PTPRD: variants seen among roughly 807,000 people sequenced by gnomAD.
PTPRD encodes protein tyrosine phosphatase receptor type D.
PTPRD carries 34 observed loss-of-function variants against 214.5 expected under a neutral mutation model. The observed-to-expected ratio is 0.16, with a 90% confidence interval of 0.12 to 0.21. The LOEUF (loss-of-function observed/expected upper bound fraction) is 0.21, where lower values mean the gene tolerates loss of function less well. Among genes scored for constraint, PTPRD ranks in the 10% least tolerant of loss-of-function variants. The pLI is 1.00. For missense variants in PTPRD, 2,545 were observed against 2,398.7 expected (o/e 1.06, Z -1.27); for synonymous variants, 1,128 against 845.7 (o/e 1.33, Z -5.79).
At chr9:10,301,008 C>T (rs995806782) in intron 3 of PTPRD, among the ~76,000 whole-genome samples, 13 of 152,088 alleles carry the variant, frequency 8.5e-5, no homozygotes, top group Admixed American at 5.2e-4. Flanking sequence ...ACACCTCATA[C>T]AGGAAAGCTC....
At chr9:9,736,481 A>G (rs955276316) in intron 6 of PTPRD, among the ~76,000 whole-genome samples, 1 of 152,062 alleles carries the variant, frequency 6.6e-6, no homozygotes, top group Non-Finnish European at 1.5e-5. Context: ...ATTAAGAATT[A>G]CCCTACCATA....
At chr9:10,509,051 A>C (rs2047055772) in intron 2 of PTPRD, among the ~76,000 whole-genome samples, 3 of 152,090 alleles carry the variant, frequency 2.0e-5, no homozygotes, top group Non-Finnish European at 4.4e-5. Context: ...ACCTGCTATG[A>C]TTCTCCACTG....
At chr9:8,545,222 A>C (rs372674871) in intron 14 of PTPRD, among the ~76,000 whole-genome samples, 86 of 152,280 alleles carry the variant, frequency 5.6e-4, no homozygotes, top group Non-Finnish European at 9.6e-4. Flanking sequence ...AACATCATGG[A>C]TATTATTCGT....
At chr9:8,616,239 T>C (rs2095608337) in intron 14 of PTPRD, among the ~76,000 whole-genome samples, 1 of 152,032 alleles carries the variant, frequency 6.6e-6, no homozygotes, top group Non-Finnish European at 1.5e-5. Context: ...CCAATGAACT[T>C]ATCAGAAAGA....
intron 7 of PTPRD, among the ~76,000 whole-genome samples, chr9:9,639,521 C>T (rs952625057): frequency 3.9e-5 from 6 of 152,198 alleles, no homozygotes; most frequent in Non-Finnish European, 8.8e-5. Flanking sequence ...CAAAATACGA[C>T]ATTTAGTACT....
At chr9:10,413,988 A>G (rs1052361034) in intron 2 of PTPRD, among the ~76,000 whole-genome samples, 1 of 152,000 alleles carries the variant, frequency 6.6e-6, no homozygotes, top group Non-Finnish European at 1.5e-5. Flanking sequence ...GTAAAATCCC[A>G]AACTATAAAA....
chr9:9,800,452 A>G (rs771693551), intron 5 of PTPRD: 3 of 152,336 alleles, frequency 2.0e-5, no homozygotes, highest in Admixed American at 6.5e-5. Context: ...ATCCTGAATC[A>G]CAGGATCCCT....
At chr9:10,346,413 T>A (rs993844374) in intron 2 of PTPRD, among the ~76,000 whole-genome samples, 1 of 152,078 alleles carries the variant, frequency 6.6e-6, no homozygotes, top group Non-Finnish European at 1.5e-5. Flanking sequence ...AATTGACACA[T>A]AAAGTATGAG....
At chr9:8,719,327 T>C (rs1395982127) in intron 12 of PTPRD, among the ~76,000 whole-genome samples, 2 of 152,236 alleles carry the variant, frequency 1.3e-5, no homozygotes, top group South Asian at 2.1e-4. Flanking sequence ...TTAAGCGCCA[T>C]TAGACATCTA....
intron 3 of PTPRD, among the ~76,000 whole-genome samples, chr9:10,079,450 C>A (rs1459507180): frequency 2.0e-5 from 3 of 152,108 alleles, no homozygotes; most frequent in Non-Finnish European, 4.4e-5. Context: ...TTTTTCCCCT[C>A]CCCTGAAGCA....
chr9:8,331,541 A>ACCACCACTTATCACTGCTT (rs774038574), intron 44 of PTPRD, 41 bp downstream of exon 44: 2 of 1,611,754 alleles, frequency 1.2e-6, no homozygotes, highest in African/African-American at 2.7e-5. Flanking sequence ...ATGAAGAAAC[A>ACCACCACTTATCACTGCTT]CCACCACTTA....
intron 8 of PTPRD, among the ~76,000 whole-genome samples, chr9:9,528,420 T>C (rs1204777925): frequency 2.0e-5 from 3 of 152,156 alleles, no homozygotes; most frequent in African/African-American, 7.2e-5. Flanking sequence ...GAAGCTAAAT[T>C]AGCTTGGTCT....
At chr9:9,760,041 A>G (rs910298635) in intron 6 of PTPRD, among the ~76,000 whole-genome samples, 1 of 152,146 alleles carries the variant, frequency 6.6e-6, no homozygotes. Flanking sequence ...AAGATTGTCT[A>G]TCACTAGACA....
chr9:9,466,222 T>A (rs1423858723), intron 8 of PTPRD, among the ~76,000 whole-genome samples: 2 of 152,098 alleles, frequency 1.3e-5, no homozygotes, highest in African/African-American at 2.4e-5. Context: ...GGTGGGAGGA[T>A]TGCTTGGGCC....
chr9:10,239,463 C>G (rs961342933), intron 3 of PTPRD, among the ~76,000 whole-genome samples: 1 of 151,752 alleles, frequency 6.6e-6, no homozygotes. Flanking sequence ...AATTACTCAC[C>G]CTTTATTTCT....
chr9:9,325,420 T>C (rs1969472138), intron 9 of PTPRD, among the ~76,000 whole-genome samples: 1 of 152,178 alleles, frequency 6.6e-6, no homozygotes, highest in Non-Finnish European at 1.5e-5. Flanking sequence ...CCCTTGCAAG[T>C]TGGATTCCTA....
chr9:8,972,311 G>A (rs1454156288), intron 11 of PTPRD, among the ~76,000 whole-genome samples: 3 of 151,772 alleles, frequency 2.0e-5, no homozygotes, highest in Non-Finnish European at 2.9e-5. Flanking sequence ...TATTAGACAT[G>A]AATAAAATAC....
intron 10 of PTPRD, among the ~76,000 whole-genome samples, chr9:9,143,076 T>C (rs1304839313): frequency 1.3e-5 from 2 of 152,180 alleles, no homozygotes; most frequent in Non-Finnish European, 2.9e-5. Context: ...CCCGTCTGGA[T>C]GGTAACATTT....
At chr9:10,492,268 G>T (rs543636813) in intron 2 of PTPRD, among the ~76,000 whole-genome samples, 2 of 152,222 alleles carry the variant, frequency 1.3e-5, no homozygotes, top group African/African-American at 4.8e-5. Context: ...ACTGGTTCTA[G>T]ATCCTTAAGA....
Sources: gnomAD v4.1 joint callset for allele counts (sites outside exome capture counted in the v4.1 genomes callset) on GRCh38, gnomAD v4.1.1 for gene constraint, MANE v1.5 for transcripts, NCBI Gene and HGNC (gene_info 2026-07-23, HGNC 2026-07-21) for gene names.